The following NPLOC4 variants were observed in gnomAD, a reference collection of about 807,000 sequenced individuals.
NPLOC4 encodes the protein nuclear protein localization protein 4 homolog.
In NPLOC4, 18 loss-of-function variants were observed where a neutral mutation model predicts 80.6. That is an observed-to-expected ratio of 0.22 (90% confidence interval 0.15 to 0.33). NPLOC4 has a LOEUF of 0.33. NPLOC4 is among the 10% of genes least tolerant of loss of function. The pLI is 1.00. For missense variants in NPLOC4, 540 were observed against 786.1 expected (o/e 0.69, Z 3.74); for synonymous variants, 313 against 301.5 (o/e 1.04, Z -0.39).
chr17:81,605,987 A>AT, intron 7 of NPLOC4, among the ~76,000 whole-genome samples: 1 of 151,474 alleles, frequency 6.6e-6, no homozygotes, highest in African/African-American at 2.4e-5. Context: ...CGCCCAGCTA[A>AT]TTTTTTGTAT....
At chr17:81,581,979 A>C (rs1305403120) in intron 12 of NPLOC4, among the ~76,000 whole-genome samples, 3 of 152,180 alleles carry the variant, frequency 2.0e-5, no homozygotes, top group Admixed American at 2.0e-4. Flanking sequence ...GACAGCAGAG[A>C]CATGCTTCCA....
chr17:81,634,628 C>T (rs561002203), intron 1 of NPLOC4, among the ~76,000 whole-genome samples: 170 of 151,260 alleles, frequency 1.1e-3, no homozygotes, highest in Non-Finnish European at 1.9e-3. Context: ...CTCTGTCGCC[C>T]AGGCTGGAGT....
chr17:81,629,671 G>A (rs2035882202), intron 2 of NPLOC4, 54 bp downstream of exon 2: 1 of 1,278,932 alleles, frequency 7.8e-7, no homozygotes, highest in South Asian at 1.2e-5. Context: ...ATCGATGGCA[G>A]TAAGAGTAGA....
chr17:81,622,027 G>C (rs974319103), intron 3 of NPLOC4, 139 bp downstream of exon 3: 1 of 643,134 alleles, frequency 1.6e-6, no homozygotes, highest in African/African-American at 1.8e-5. Context: ...CAAGCAACAC[G>C]GTCATGTGTA....
intron 13 of NPLOC4, 40 bp downstream of exon 13, chr17:81,571,977 A>G (rs1478690954): frequency 4.0e-6 from 6 of 1,511,802 alleles, no homozygotes; most frequent in East Asian, 2.3e-5. Context: ...AAGGCGCCCA[A>G]TGGGTCCACC....
At chr17:81,582,982 C>T (rs945279304) in intron 12 of NPLOC4, among the ~76,000 whole-genome samples, 39 of 152,274 alleles carry the variant, frequency 2.6e-4, no homozygotes, top group African/African-American at 9.4e-4. Flanking sequence ...CTCCCTGCGG[C>T]GCCGCCCCTG....
chr17:81,631,905 T>C (rs2035942788), intron 1 of NPLOC4, among the ~76,000 whole-genome samples: 1 of 152,202 alleles, frequency 6.6e-6, no homozygotes, highest in South Asian at 2.1e-4. Flanking sequence ...GTTCAAGTGA[T>C]TCTCCTGCCT....
At position 81,613,369 on chromosome 17, in the gene NPLOC4, T is replaced by C; in HGVS notation, c.335A>G (p.Gln112Arg). The C allele has an allele frequency of 1.2e-6, 2 of 1,614,032 alleles. No individual in the cohort carries two copies. Among genetic ancestry groups the C allele is most frequent in the Middle Eastern group, 1.6e-4 (1 of 6,062 alleles). ...CTTCCCGTCCTGTTTGCTGAGGTACTGATCAATCTCATCCTCCACCACGTT... is the reference window on the plus strand; with the variant it reads ...CTTCCCGTCCTGTTTGCTGAGGTACCGATCAATCTCATCCTCCACCACGTT... ...APNVVEDEID[Q>R]YLSKQDGKIY... Residue 112 changes from glutamine (Q) to arginine (R), a missense_variant, in exon 4 of 17, where the codon CAG becomes CGG. Gln to Arg is a conservative substitution (Grantham distance 43). Transcript: ENST00000331134.
At chr17:81,604,524 G>C in intron 8 of NPLOC4, 24 bp downstream of exon 8, 1 of 1,604,384 alleles carries the variant, frequency 6.2e-7, no homozygotes, top group Non-Finnish European at 8.5e-7. Context: ...AGAAACTCAG[G>C]AACTTGAATC....
intron 3 of NPLOC4, among the ~76,000 whole-genome samples, chr17:81,618,770 A>T (rs2144281707): frequency 6.6e-6 from 1 of 152,048 alleles, no homozygotes; most frequent in African/African-American, 2.4e-5. Flanking sequence ...AAAAGGGGGA[A>T]AGGTGGGGAA....
chr17:81,629,643 G>C (rs370407971), intron 2 of NPLOC4, 82 bp downstream of exon 2: 1 of 1,070,614 alleles, frequency 9.3e-7, no homozygotes, highest in Non-Finnish European at 1.4e-6. Flanking sequence ...ATAAGAAAAC[G>C]AGGAAAAGAG....
At chr17:81,611,959 C>CAAAAAAAA in intron 4 of NPLOC4, among the ~76,000 whole-genome samples, 1 of 104,262 alleles carries the variant, frequency 9.6e-6, no homozygotes, top group Non-Finnish European at 1.9e-5. Flanking sequence ...GAGTCCATCT[C>CAAAAAAAA]AAAAAAAAAA....
chr17:81,599,677 A>G (rs2035013738), intron 9 of NPLOC4, among the ~76,000 whole-genome samples: 1 of 152,226 alleles, frequency 6.6e-6, no homozygotes, highest in Non-Finnish European at 1.5e-5. Context: ...CTCGTAAGAT[A>G]TGTTCAAATT....
At chr17:81,578,727 C>A (rs967436731) in intron 12 of NPLOC4, among the ~76,000 whole-genome samples, 1 of 152,124 alleles carries the variant, frequency 6.6e-6, no homozygotes, top group African/African-American at 2.4e-5. Flanking sequence ...GGGGGAACCA[C>A]CCCCATGATT....
intron 1 of NPLOC4, 110 bp downstream of exon 1, chr17:81,636,806 G>A (rs890506059): frequency 1.2e-4 from 143 of 1,181,466 alleles, no homozygotes; most frequent in Non-Finnish European, 1.5e-4. Context: ...CGAGAGAAGA[G>A]AAAGGGGCCG....
At chr17:81,636,607 A>C in intron 1 of NPLOC4, 2 of 276,112 alleles carry the variant, frequency 7.2e-6, no homozygotes, top group African/African-American at 2.2e-5. Context: ...GGAGCCGGGA[A>C]ACGGGTGGGG....
chr17:81,630,092 C>T (rs775896475), intron 1 of NPLOC4, among the ~76,000 whole-genome samples: 4 of 151,424 alleles, frequency 2.6e-5, no homozygotes, highest in Non-Finnish European at 5.9e-5. Flanking sequence ...ATGTAAAACA[C>T]TTTTTGTCTC....
intron 11 of NPLOC4, among the ~76,000 whole-genome samples, chr17:81,594,274 CAAAAAAAAAAAA>C (rs869281063): frequency 3.7e-5 from 2 of 53,660 alleles, no homozygotes; most frequent in African/African-American, 2.0e-4. Flanking sequence ...GACTCCGTCT[CAAAAAAAAAAAA>C]AAAAAAAAAA....
At chr17:81,601,397 T>TTGC (rs1238558175) in intron 8 of NPLOC4, among the ~76,000 whole-genome samples, 1 of 152,212 alleles carries the variant, frequency 6.6e-6, no homozygotes, top group Non-Finnish European at 1.5e-5. Context: ...TAATGACATG[T>TTGC]GGCAGCATAA....
Sources: gnomAD v4.1 joint callset for allele counts (sites outside exome capture counted in the v4.1 genomes callset) on GRCh38, gnomAD v4.1.1 for gene constraint, MANE v1.5 for transcripts, NCBI Gene and HGNC (gene_info 2026-07-23, HGNC 2026-07-21) for gene names.